The following NOS1 variants were observed in gnomAD, a reference collection of about 807,000 sequenced individuals.
NOS1 encodes NOS type I.
A neutral mutation model predicts 164.5 loss-of-function variants in NOS1; 51 were observed. The observed-to-expected ratio is 0.31, with a 90% CI of 0.25 to 0.39. The LOEUF is 0.39. Among genes scored for constraint, NOS1 ranks in the 10% least tolerant of loss-of-function variants. NOS1 has a pLI of 1.00. For synonymous variants in NOS1, 719 were observed against 745.8 expected (o/e 0.96, Z 0.59); for missense variants, 1,362 against 1,885.6 (o/e 0.72, Z 5.14).
At chr12:117,332,719 G>C (rs1369985540) in intron 1 of NOS1, among the ~76,000 whole-genome samples, 1 of 152,088 alleles carries the variant, frequency 6.6e-6, no homozygotes, top group Admixed American at 6.6e-5. Flanking sequence ...ACAAAAATTA[G>C]CCGGGTGTGG....
In NOS1 at chr12:117,212,539, T is replaced by C. The variant is rs1191911441; in HGVS notation, c.*2770A>G. 1.1e-5 allele frequency: 11 copies of C among 985,442 alleles called. No individual in the cohort carries two copies. The highest frequency in any genetic ancestry group is 1.3e-5 in the Non-Finnish European group (11 of 829,936). 61.0% of individuals were successfully genotyped at this position (985,442 alleles called of 1,614,324 possible). A position where few individuals can be genotyped will look rare whatever the true frequency, so the allele number is the denominator to read the frequency against. On this transcript the variant is annotated 3_prime_UTR_variant, in exon 29 of 29. Coordinates refer to ENST00000317775, the MANE Select transcript of NOS1 (RefSeq NM_000620.5). The stretch of plus-strand genomic sequence containing the variant: ...GCATAGTGATGGCAGGTGAGCATGA[T>C]GTTCCGGTGTTCCTATTTCAGGAGA...
rs1875529380 is a variant in NOS1, at chr12:117,331,183, A to T, written c.-114T>A. 7.5e-7 allele frequency: 1 copy of T among 1,331,546 alleles called. No individual in the cohort carries two copies. The highest frequency in any genetic ancestry group is 1.5e-5 in the African/African-American group (1 of 68,358). The allele number at this position is 1,331,546 out of a possible 1,614,324, so 82.5% of individuals were successfully genotyped here. On this transcript the variant is annotated 5_prime_UTR_variant, in exon 2 of 29. Coordinates refer to ENST00000317775, the MANE Select transcript of NOS1 (RefSeq NM_000620.5). Reference sequence around the variant, plus strand: ...TACACGGAGAGCAGGAGCCGGGGTGACAGGTGCTGACAAGGCTTCAGCCCT... The same window carrying T: ...TACACGGAGAGCAGGAGCCGGGGTGTCAGGTGCTGACAAGGCTTCAGCCCT...
intron 20 of NOS1, among the ~76,000 whole-genome samples, chr12:117,242,267 TA>T (rs1870240152): frequency 6.6e-6 from 1 of 152,078 alleles, no homozygotes; most frequent in African/African-American, 2.4e-5. Context: ...AGCACTCCAT[TA>T]AAAAAATTAT....
At chr12:117,220,443 C>T (rs552511889) in intron 26 of NOS1, among the ~76,000 whole-genome samples, 174 bp from the exon 27 acceptor site, 3 of 152,240 alleles carry the variant, frequency 2.0e-5, no homozygotes, top group Middle Eastern at 3.4e-3. Context: ...ATAGAGAAGG[C>T]GGGAAAGTCA....
chr12:117,300,329 C>T (rs1056836894), intron 3 of NOS1, among the ~76,000 whole-genome samples: 2 of 152,224 alleles, frequency 1.3e-5, no homozygotes, highest in Non-Finnish European at 2.9e-5. Context: ...ACCTGGACAA[C>T]AGTTGGGACA....
At chr12:117,250,335 T>TC (rs1411997076) in intron 17 of NOS1, among the ~76,000 whole-genome samples, 2 of 151,194 alleles carry the variant, frequency 1.3e-5, no homozygotes, top group African/African-American at 4.9e-5. Context: ...TACTTTTTTT[T>TC]TTTTTTTTTT....
chr12:117,231,499 C>T (rs1869229913), intron 22 of NOS1, among the ~76,000 whole-genome samples: 1 of 152,064 alleles, frequency 6.6e-6, no homozygotes, highest in Admixed American at 6.6e-5. Context: ...GTGATTATTA[C>T]ACATTGTATG....
intron 28 of NOS1, 58 bp downstream of exon 28, chr12:117,217,988 G>T: frequency 8.0e-7 from 1 of 1,244,268 alleles, no homozygotes; most frequent in Non-Finnish European, 1.2e-6. Context: ...TTCCTGCCCA[G>T]TGGGACCTAG....
chr12:117,294,322 A>C (rs1873270482), intron 3 of NOS1, among the ~76,000 whole-genome samples: 1 of 152,106 alleles, frequency 6.6e-6, no homozygotes, highest in African/African-American at 2.4e-5. Context: ...GGCAGCCGAC[A>C]GTTTTCATCA....
chr12:117,256,837 T>C (rs1197564135), intron 16 of NOS1, among the ~76,000 whole-genome samples: 3 of 151,668 alleles, frequency 2.0e-5, no homozygotes, highest in African/African-American at 7.3e-5. Flanking sequence ...TTTGGGAGGC[T>C]GAGGCAGGCA....
chr12:117,264,631 C>G (rs1159496140), intron 12 of NOS1, among the ~76,000 whole-genome samples: 3 of 129,308 alleles, frequency 2.3e-5, no homozygotes, highest in Non-Finnish European at 5.0e-5. Context: ...TCTCTCTCTC[C>G]CTTTCCCCCC....
chr12:117,293,869 A>G (rs745915646), intron 3 of NOS1, among the ~76,000 whole-genome samples: 1 of 151,988 alleles, frequency 6.6e-6, no homozygotes, highest in Non-Finnish European at 1.5e-5. Context: ...TATTGTGCCC[A>G]TGTTTCCCTA....
intron 11 of NOS1, among the ~76,000 whole-genome samples, chr12:117,267,822 A>G (rs1592969515): frequency 6.6e-6 from 1 of 151,892 alleles, no homozygotes; most frequent in East Asian, 1.9e-4. Context: ...ACACTCCTCT[A>G]CCCCTGCCAC....
At chr12:117,236,445 C>T (rs1355524323) in intron 20 of NOS1, among the ~76,000 whole-genome samples, 1 of 152,028 alleles carries the variant, frequency 6.6e-6, no homozygotes, top group Non-Finnish European at 1.5e-5. Context: ...GCAAGGCATC[C>T]CCGCCCTTAG....
At chr12:117,347,243 C>T (rs10850814) in intron 1 of NOS1, among the ~76,000 whole-genome samples, 59,040 of 150,714 alleles carry the variant, frequency 0.39, 12,188 homozygotes, top group East Asian at 0.57. Flanking sequence ...GCCAAGATCG[C>T]GCCACTGCAC....
Position 117,265,438 on chromosome 12 carries a change from G to T in NOS1, c.2014C>A (p.Arg672Ser). The change falls in exon 12 of 29, where the codon CGC becomes AGC. Residue 672 changes from arginine to serine, a missense_variant. Around this residue, in one of 4 missense-constraint regions of NOS1, gnomAD observed 737 missense variants for 1,030.3 expected, o/e 0.72. Coordinates refer to ENST00000317775, the MANE Select transcript of NOS1 (RefSeq NM_000620.5). ...SFIKHMENEY[R>S]CRGGCPADWV... ...TCGGCAGGGCAGCCCCCCCGGCAGC[G>T]GTACTCATTCTCCATGTGCTTAATG... The T allele has an allele frequency of 1.3e-6, 2 of 1,591,200 alleles. No individual in the cohort carries two copies. The highest frequency in any genetic ancestry group is 2.4e-5 in the South Asian group (2 of 84,994).
intron 8 of NOS1, among the ~76,000 whole-genome samples, chr12:117,279,047 A>G (rs1000829729): frequency 1.3e-5 from 2 of 151,922 alleles, no homozygotes; most frequent in African/African-American, 4.8e-5. Context: ...TAAATATATT[A>G]CCCTAATGTA....
At chr12:117,225,208 A>G (rs1868557525) in intron 24 of NOS1, 71 bp from the exon 25 acceptor site, 3 of 1,539,656 alleles carry the variant, frequency 1.9e-6, no homozygotes, top group Non-Finnish European at 2.6e-6. Context: ...AATCTTAGGT[A>G]GACCAGGTGG....
intron 9 of NOS1, among the ~76,000 whole-genome samples, chr12:117,276,118 G>A (rs1449323328): frequency 6.6e-6 from 1 of 152,130 alleles, no homozygotes; most frequent in Non-Finnish European, 1.5e-5. Flanking sequence ...GGCCTGTAAT[G>A]TGAAATAAGC....
Sources: gnomAD v4.1 joint callset for allele counts (sites outside exome capture counted in the v4.1 genomes callset) on GRCh38, gnomAD v4.1.1 for gene constraint, gnomAD v4.1.1 regional missense constraint, MANE v1.5 for transcripts, NCBI Gene and HGNC (gene_info 2026-07-23, HGNC 2026-07-21) for gene names.